Variants in FILIP1 observed in about 807,000 individuals in gnomAD.
FILIP1 encodes the protein filamin-A-interacting protein 1.
A neutral mutation model predicts 102.1 loss-of-function variants in FILIP1; 61 were observed. The observed-to-expected ratio is 0.60, with a 90% CI of 0.49 to 0.74. The LOEUF is 0.74. Ranked by LOEUF, FILIP1 falls within the 30% of genes least tolerant of loss-of-function variation. FILIP1 has a pLI of 0.00. For synonymous variants in FILIP1, 491 were observed against 526.9 expected, an observed-to-expected ratio of 0.93 and a Z score of 0.93; for missense variants, 1,314 against 1,441.2, an observed-to-expected ratio of 0.91 and a Z score of 1.43.
intron 2 of FILIP1, among the ~76,000 whole-genome samples, chr6:75,411,219 C>T (rs536140186): frequency 1.3e-5 from 2 of 152,204 alleles, no homozygotes; most frequent in African/African-American, 4.8e-5. Flanking sequence ...TAAATATCTT[C>T]TTTTGAAAAA....
chr6:75,489,799 T>G (rs1054420546), intron 1 of FILIP1, among the ~76,000 whole-genome samples: 2 of 152,062 alleles, frequency 1.3e-5, no homozygotes, highest in Non-Finnish European at 2.9e-5. Context: ...TAGCTTATCT[T>G]TTTTCTATTT....
intron 4 of FILIP1, among the ~76,000 whole-genome samples, chr6:75,327,674 A>G (rs1318335788): frequency 6.6e-6 from 1 of 151,520 alleles, no homozygotes; most frequent in East Asian, 1.9e-4. Flanking sequence ...TGTTTTTCCT[A>G]TATAAACATT....
Position 75,362,753 on chromosome 6 carries a change from C to A in FILIP1, c.441G>T (p.Pro147=), listed in dbSNP as rs372904400. ...GGTGTCATATTTTTACCTCTGAAAT[C>A]GGTTTCTCATAGACATCTTCTCCTA... is the stretch of plus-strand genomic sequence containing the variant. ...KSIGEDVYEK[P]ISELDRLEEK... is the part of the protein sequence containing the mutation. Residue 147 remains proline, a synonymous_variant, in exon 3 of 6, where the codon CCG becomes CCT. Transcript: ENST00000237172. The A allele has an allele frequency of 3.7e-6, 6 of 1,612,844 alleles. No individual in the cohort carries two copies. The highest frequency in any genetic ancestry group is 2.2e-5 in the East Asian group (1 of 44,878).
At chr6:75,463,304 A>G (rs1442578799) in intron 1 of FILIP1, among the ~76,000 whole-genome samples, 1 of 152,250 alleles carries the variant, frequency 6.6e-6, no homozygotes, top group Non-Finnish European at 1.5e-5. Context: ...TCCATTTAGC[A>G]TTCAATGTAC....
At chr6:75,411,910 G>C (rs1473166225) in intron 2 of FILIP1, among the ~76,000 whole-genome samples, 1 of 152,056 alleles carries the variant, frequency 6.6e-6, no homozygotes, top group Non-Finnish European at 1.5e-5. Context: ...CTCTTTTTTG[G>C]TTCCATATGG....
chr6:75,328,661 G>T (rs1210858239), intron 4 of FILIP1, among the ~76,000 whole-genome samples: 3 of 152,038 alleles, frequency 2.0e-5, no homozygotes, highest in Non-Finnish European at 4.4e-5. Flanking sequence ...GCTAATTTTT[G>T]TATTTTTAGT....
chr6:75,295,938 A>AT lies in FILIP1; in HGVS notation c.3505dup (p.Ile1169AsnfsTer13), dbSNP rs1321046510. The AT allele has an allele frequency of 1.1e-5, 16 of 1,466,994 alleles. No homozygotes were observed. Among genetic ancestry groups the AT allele is most frequent in the Middle Eastern group, 1.7e-4 (1 of 5,788 alleles). 90.9% of individuals were successfully genotyped at this position (1,466,994 alleles called of 1,614,324 possible). ...TCTGGAGTTCATTCGTAACTGGTGA[A>AT]TGATGATGCTTTCTATAAAGAGAAA... On this transcript the variant is annotated frameshift_variant, in exon 7 of 7. Transcript: ENST00000393004. LOFTEE classifies it high-confidence loss of function.
chr6:75,302,782 G>A (rs564197267), intron 6 of FILIP1, among the ~76,000 whole-genome samples: 7 of 151,894 alleles, frequency 4.6e-5, no homozygotes, highest in Admixed American at 1.3e-4. Context: ...AGGAACTTTT[G>A]GGCGGTTTTC....
rs143873561 is a variant in FILIP1, at chr6:75,338,403, A to C, written c.629+15136T>G. 2.0e-5 allele frequency among the ~76,000 whole-genome samples: 3 copies of C among 152,340 alleles called. No individual in the cohort carries two copies. The East Asian group carries it at 5.8e-4, about 29-fold the overall frequency. On this transcript the variant is annotated intron_variant, in intron 4 of 5. Coordinates refer to ENST00000237172, the MANE Select transcript of FILIP1 (RefSeq NM_015687.5). ...CACCATGAAGCACTTTCCAAACACA[A>C]GCATTCTTGGAAAAAGAGTGCGCAC... is the stretch of plus-strand genomic sequence containing the variant.
chr6:75,434,606 C>T (rs1203911564), intron 1 of FILIP1, among the ~76,000 whole-genome samples: 5 of 152,176 alleles, frequency 3.3e-5, no homozygotes, highest in Non-Finnish European at 5.9e-5. Context: ...ATGGGGTTTT[C>T]TAAATATACA....
intron 4 of FILIP1, among the ~76,000 whole-genome samples, chr6:75,325,636 A>G (rs1215634817): frequency 6.6e-6 from 1 of 152,272 alleles, no homozygotes; most frequent in Admixed American, 6.5e-5. Flanking sequence ...ACATTTGGAA[A>G]AAATGCTCAA....
chr6:75,422,392 G>A lies in FILIP1; in HGVS notation c.-6-7414C>T, dbSNP rs372261558. ...ACTATAATTTTTTTCAGACATTTTA[G>A]TAATACCATCTGGCCTCTGAAGAAA... On this transcript the variant is annotated intron_variant, in intron 1 of 5. Transcript: ENST00000237172. Among the ~76,000 whole-genome samples, 10 of 151,924 alleles carry A rather than the reference G, an allele frequency of 6.6e-5. No individual in the cohort carries two copies. The East Asian group carries it at 1.4e-3, about 21-fold the overall frequency.
At chr6:75,446,245 A>T (rs1432596374) in intron 1 of FILIP1, among the ~76,000 whole-genome samples, 1 of 152,176 alleles carries the variant, frequency 6.6e-6, no homozygotes, top group Admixed American at 6.6e-5. Context: ...AGCTAATGGT[A>T]GATAATATGC....
At chr6:75,436,237 C>A (rs560441237) in intron 1 of FILIP1, among the ~76,000 whole-genome samples, 1 of 151,798 alleles carries the variant, frequency 6.6e-6, no homozygotes, top group Non-Finnish European at 1.5e-5. Flanking sequence ...GCCAGGCTAG[C>A]GGCATGTGCC....
Position 75,379,357 on chromosome 6 carries a change from G to A in FILIP1, c.277-16440C>T, listed in dbSNP as rs571889757. ...AGATGCCTTTTGCATATAGAAATAG[G>A]CGACTGTTTCGTTTGCATTACTGCT... On this transcript the variant is annotated intron_variant, in intron 2 of 5. Transcript: ENST00000237172. Among the ~76,000 whole-genome samples, 19 of 152,284 alleles carry A rather than the reference G, an allele frequency of 1.2e-4. No individual in the cohort carries two copies. The South Asian group carries it at 3.3e-3, about 27-fold the overall frequency.
intron 2 of FILIP1, among the ~76,000 whole-genome samples, chr6:75,405,790 A>G (rs1442601216): frequency 6.6e-6 from 1 of 152,168 alleles, no homozygotes; most frequent in Admixed American, 6.5e-5. Flanking sequence ...TTGGTGGGAA[A>G]AATGGTAATG....
chr6:75,308,957 C>A, intron 5 of FILIP1, 60 bp from the exon 6 acceptor site: 32 of 1,576,350 alleles, frequency 2.0e-5, no homozygotes, highest in Non-Finnish European at 2.7e-5. Flanking sequence ...TCTGGATATG[C>A]CATCAATCTG....
intron 4 of FILIP1, among the ~76,000 whole-genome samples, chr6:75,329,940 C>T (rs1055338680): frequency 1.3e-5 from 2 of 152,042 alleles, no homozygotes; most frequent in African/African-American, 2.4e-5. Context: ...TAGAATGTTA[C>T]TTCTGAATAA....
chr6:75,323,968 T>C (rs902473093), intron 4 of FILIP1, among the ~76,000 whole-genome samples: 4 of 152,154 alleles, frequency 2.6e-5, no homozygotes, highest in African/African-American at 7.2e-5. Context: ...CCTTTCACCA[T>C]GATTATAAGT....
Sources: gnomAD v4.1 joint callset for allele counts (sites outside exome capture counted in the v4.1 genomes callset) on GRCh38, gnomAD v4.1.1 for gene constraint, MANE v1.5 for transcripts, NCBI Gene and HGNC (gene_info 2026-07-23, HGNC 2026-07-21) for gene names.